Variants in MACROD2 observed in about 807,000 individuals in gnomAD.
The protein encoded by MACROD2 is ADP-ribose glycohydrolase MACROD2.
A neutral mutation model predicts 70.4 loss-of-function variants in MACROD2; 36 were observed. That is an observed-to-expected ratio of 0.51 (90% confidence interval 0.39 to 0.68). The LOEUF (loss-of-function observed/expected upper bound fraction) is 0.68. Ranked by LOEUF, MACROD2 falls within the 30% of genes least tolerant of loss-of-function variation. MACROD2 has a pLI of 0.00. For synonymous variants in MACROD2, 172 were observed against 178.8 expected (o/e 0.96, Z 0.30); for missense variants, 496 against 538.4 (o/e 0.92, Z 0.78).
At chr20:14,211,524 C>T (rs1370481068) in intron 3 of MACROD2, among the ~76,000 whole-genome samples, 4 of 152,164 alleles carry the variant, frequency 2.6e-5, no homozygotes, top group Non-Finnish European at 5.9e-5. Context: ...ATTTATACCT[C>T]CAGATTCACT....
chr20:14,100,756 TA>T (rs1330560284), intron 3 of MACROD2, among the ~76,000 whole-genome samples: 2 of 139,482 alleles, frequency 1.4e-5, no homozygotes, highest in East Asian at 4.0e-4. Flanking sequence ...ATATAATATA[TA>T]AAAATATAAT....
rs1555798355 is a variant in MACROD2, at chr20:14,515,469, A to ACACACGCG, written c.301+21966_301+21967insGCGCACAC. 3.1e-3 allele frequency among the ~76,000 whole-genome samples: 449 copies of ACACACGCG among 143,676 alleles called. 1 individual carries two copies. The highest frequency in any genetic ancestry group is 4.7e-3 in the Non-Finnish European group (307 of 65,578). 94.3% of individuals were successfully genotyped at this position (143,676 alleles called of 152,430 possible). ...ATATGTGAGATACACACACACGCAC[A>ACACACGCG]CACACACACACACACACACACACAC... On this transcript the variant is annotated intron_variant, in intron 4 of 17. Coordinates refer to ENST00000684519, the MANE Select transcript of MACROD2 (RefSeq NM_001351661.2).
At chr20:15,108,180 A>G (rs905099683) in intron 5 of MACROD2, among the ~76,000 whole-genome samples, 7 of 152,030 alleles carry the variant, frequency 4.6e-5, no homozygotes, top group African/African-American at 1.7e-4. Flanking sequence ...TCCTGTTTCC[A>G]TCTGATAAGT....
At chr20:15,113,763 AGT>A (rs71340210) in intron 5 of MACROD2, among the ~76,000 whole-genome samples, 32,329 of 143,948 alleles carry the variant, frequency 0.22, 4,453 homozygotes, top group Non-Finnish European at 0.33. Context: ...GTAGTCTTGA[AGT>A]GTGTGTGTGT....
intron 10 of MACROD2, chr20:15,894,034 A>C (rs1289053725): frequency 2.4e-6 from 1 of 424,156 alleles, no homozygotes; most frequent in Admixed American, 2.7e-5. Flanking sequence ...GGCTGCAAGT[A>C]GTTTGGCAAG....
intron 5 of MACROD2, among the ~76,000 whole-genome samples, chr20:14,778,725 G>A (rs2072263914): frequency 6.6e-6 from 1 of 152,132 alleles, no homozygotes. Flanking sequence ...CACTTGAAGA[G>A]CTTTACTGTG....
intron 6 of MACROD2, among the ~76,000 whole-genome samples, chr20:15,290,972 G>A (rs1369831649): frequency 6.6e-6 from 1 of 152,176 alleles, no homozygotes; most frequent in Non-Finnish European, 1.5e-5. Flanking sequence ...AACATGAAAT[G>A]ATAGGCTAAG....
intron 5 of MACROD2, chr20:14,849,792 A>G (rs1414628849): frequency 3.5e-6 from 1 of 285,682 alleles, no homozygotes; most frequent in Non-Finnish European, 7.0e-6. Context: ...AAATAAATAC[A>G]TAGATAAGTA....
At chr20:14,043,310 T>G (rs1028549531) in intron 2 of MACROD2, among the ~76,000 whole-genome samples, 1 of 152,166 alleles carries the variant, frequency 6.6e-6, no homozygotes, top group Admixed American at 6.5e-5. Context: ...GCTGCTGAAG[T>G]GGCTTACAGA....
chr20:14,590,968 T>G (rs1981727389), intron 4 of MACROD2, among the ~76,000 whole-genome samples: 2 of 152,258 alleles, frequency 1.3e-5, no homozygotes, highest in South Asian at 4.1e-4. Context: ...CATTATGGTG[T>G]GAGTCATTTT....
chr20:14,355,645 ATTTTAATGATATT>A (rs2122705824), intron 3 of MACROD2, among the ~76,000 whole-genome samples: 1 of 152,314 alleles, frequency 6.6e-6, no homozygotes, highest in Non-Finnish European at 1.5e-5. Context: ...ATGTCTTATG[ATTTTAATGATATT>A]AAGAGCAAAT....
chr20:15,299,263 A>G (rs1306269959), intron 6 of MACROD2, among the ~76,000 whole-genome samples: 2 of 152,168 alleles, frequency 1.3e-5, no homozygotes, highest in Non-Finnish European at 2.9e-5. Flanking sequence ...CTATCTTAAG[A>G]GTCATTGTCT....
intron 5 of MACROD2, among the ~76,000 whole-genome samples, chr20:14,821,560 A>C (rs1354790832): frequency 6.6e-6 from 1 of 152,038 alleles, no homozygotes; most frequent in Admixed American, 6.6e-5. Flanking sequence ...CGCTCTCATC[A>C]TGTGTACCAG....
intron 5 of MACROD2, among the ~76,000 whole-genome samples, chr20:15,174,879 G>C (rs549361669): frequency 4.3e-4 from 66 of 151,984 alleles, no homozygotes; most frequent in African/African-American, 1.5e-3. Context: ...AAATTTGTTT[G>C]AGTTCATTGT....
chr20:15,050,533 C>CTTTTTTTTTTTTTTT lies in MACROD2; in HGVS notation c.419-179395_419-179381dup, dbSNP rs386393390. Among the ~76,000 whole-genome samples, 20 of 77,900 alleles carry CTTTTTTTTTTTTTTT rather than the reference C, an allele frequency of 2.6e-4. 2 individuals carry two copies. The highest frequency in any genetic ancestry group is 9.3e-4 in the African/African-American group (15 of 16,046). The allele number at this position is 77,900 out of a possible 152,430, so 51.1% of individuals were successfully genotyped here. On this transcript the variant is annotated intron_variant, in intron 5 of 17. Coordinates refer to ENST00000684519, the MANE Select transcript of MACROD2 (RefSeq NM_001351661.2). ...GTCTTTTTACACTTTCTATTTAGGT[C>CTTTTTTTTTTTTTTT]TTTTTTTTTTTTTTTTTTTTTTTTT...
chr20:14,906,397 G>C (rs6110462), intron 5 of MACROD2, among the ~76,000 whole-genome samples: 1 of 152,172 alleles, frequency 6.6e-6, no homozygotes, highest in Non-Finnish European at 1.5e-5. Context: ...GGGAGGCTGA[G>C]GCAGGAGAAT....
At chr20:14,369,671 A>G (rs2083304673) in intron 3 of MACROD2, among the ~76,000 whole-genome samples, 1 of 152,162 alleles carries the variant, frequency 6.6e-6, no homozygotes, top group East Asian at 1.9e-4. Flanking sequence ...CACATGGTAT[A>G]ATGTGCACTG....
At chr20:14,694,978 A>G (rs2071105554) in intron 5 of MACROD2, among the ~76,000 whole-genome samples, 1 of 152,146 alleles carries the variant, frequency 6.6e-6, no homozygotes, top group Non-Finnish European at 1.5e-5. Flanking sequence ...CTTCTAGCAA[A>G]CGGAGTATGT....
chr20:15,277,422 G>A (rs1232662860), intron 6 of MACROD2, among the ~76,000 whole-genome samples: 1 of 152,164 alleles, frequency 6.6e-6, no homozygotes, highest in East Asian at 1.9e-4. Context: ...ATAATGTAGG[G>A]GATGGGTGAA....
Sources: gnomAD v4.1 joint callset for allele counts (sites outside exome capture counted in the v4.1 genomes callset) on GRCh38, gnomAD v4.1.1 for gene constraint, MANE v1.5 for transcripts, NCBI Gene and HGNC (gene_info 2026-07-23, HGNC 2026-07-21) for gene names.